Variants in EEFSEC observed in about 807,000 individuals in gnomAD.
The protein encoded by EEFSEC is selenocysteine-specific elongation factor.
Under a neutral mutation model 42.1 loss-of-function variants are expected in EEFSEC, and 43 were observed. The observed-to-expected ratio is 1.02, with a 90% CI of 0.80 to 1.32. The LOEUF (loss-of-function observed/expected upper bound fraction) is 1.32. EEFSEC is among the 40% of genes most tolerant of loss of function. The pLI is 0.00. For missense variants in EEFSEC, 745 were observed against 803.6 expected, an observed-to-expected ratio of 0.93 and a Z score of 0.88; for synonymous variants, 354 against 339.1, an observed-to-expected ratio of 1.04 and a Z score of -0.48.
At chr3:128,340,203 G>A (rs896878142) in intron 4 of EEFSEC, among the ~76,000 whole-genome samples, 3 of 152,128 alleles carry the variant, frequency 2.0e-5, no homozygotes, top group Admixed American at 6.5e-5. Flanking sequence ...CTGTCTTTCT[G>A]TGGGTCTTCA....
At position 128,341,865 on chromosome 3, in the gene EEFSEC, G is replaced by A; in HGVS notation, c.1419G>A (p.Lys473=). 1 of 1,613,590 alleles carries A rather than the reference G, an allele frequency of 6.2e-7. No individual in the cohort carries two copies. The highest frequency in any genetic ancestry group is 8.5e-7 in the Non-Finnish European group (1 of 1,179,998). Residue 473 remains lysine, a synonymous_variant, in exon 5 of 7, where the codon AAG becomes AAA. Coordinates refer to ENST00000254730, the MANE Select transcript of EEFSEC (RefSeq NM_021937.5). ...CCAGGCTGAAGGTGTACAAGCTGAA[G>A]CACAAGCATGGCCTTGTGGAGCGGG... ...FLPRLKVYKL[K]HKHGLVERAM...
intron 1 of EEFSEC, among the ~76,000 whole-genome samples, chr3:128,204,592 G>A (rs1270675876): frequency 1.3e-5 from 2 of 152,064 alleles, no homozygotes; most frequent in Non-Finnish European, 2.9e-5. Context: ...TTGCTCTTAA[G>A]AATCAATATC....
chr3:128,332,994 C>T (rs143656123), intron 4 of EEFSEC, among the ~76,000 whole-genome samples: 1 of 152,330 alleles, frequency 6.6e-6, no homozygotes, highest in East Asian at 1.9e-4. Flanking sequence ...CCCCTCCAGC[C>T]TGAACCTCTT....
chr3:128,172,512 T>A (rs947389920), intron 1 of EEFSEC, among the ~76,000 whole-genome samples: 8 of 152,232 alleles, frequency 5.3e-5, no homozygotes, highest in African/African-American at 1.9e-4. Context: ...TTGCGCAGGT[T>A]GGTCTCAAAC....
chr3:128,356,816 C>T (rs1474706411), intron 5 of EEFSEC, among the ~76,000 whole-genome samples: 1 of 152,178 alleles, frequency 6.6e-6, no homozygotes, highest in African/African-American at 2.4e-5. Flanking sequence ...ACGTGAAACA[C>T]AATACTCTGG....
chr3:128,278,778 G>T (rs1317862785), intron 4 of EEFSEC, among the ~76,000 whole-genome samples: 1 of 152,182 alleles, frequency 6.6e-6, no homozygotes, highest in Non-Finnish European at 1.5e-5. Flanking sequence ...ATATTAGGGT[G>T]CAGGGGAGGG....
At chr3:128,202,199 G>A (rs1439588597) in intron 1 of EEFSEC, among the ~76,000 whole-genome samples, 1 of 152,058 alleles carries the variant, frequency 6.6e-6, no homozygotes, top group Non-Finnish European at 1.5e-5. Flanking sequence ...AATTTTAGAA[G>A]CAGCTTTTCA....
chr3:128,303,027 C>T (rs557905907), intron 4 of EEFSEC, among the ~76,000 whole-genome samples: 2 of 152,244 alleles, frequency 1.3e-5, no homozygotes, highest in African/African-American at 2.4e-5. Flanking sequence ...TTGTATGTAA[C>T]TTGATGGACT....
intron 4 of EEFSEC, among the ~76,000 whole-genome samples, chr3:128,283,879 G>A (rs1235065222): frequency 1.3e-5 from 2 of 152,194 alleles, no homozygotes; most frequent in Non-Finnish European, 2.9e-5. Flanking sequence ...CCGCCCAAAT[G>A]GGAGAGGGAG....
chr3:128,340,041 A>G (rs149683870), intron 4 of EEFSEC, among the ~76,000 whole-genome samples: 2,406 of 152,258 alleles, frequency 0.016, 46 homozygotes, highest in African/African-American at 0.054. Context: ...TCAAGATGAG[A>G]TTTGGATGGG....
intron 4 of EEFSEC, among the ~76,000 whole-genome samples, chr3:128,298,859 G>A (rs973521322): frequency 6.6e-6 from 1 of 152,154 alleles, no homozygotes; most frequent in African/African-American, 2.4e-5. Flanking sequence ...TTAACATAAT[G>A]GCCTCTAGTT....
At chr3:128,378,537 C>T (rs1340055916) in intron 6 of EEFSEC, among the ~76,000 whole-genome samples, 2 of 152,200 alleles carry the variant, frequency 1.3e-5, no homozygotes, top group African/African-American at 4.8e-5. Context: ...CAGCAGGGAG[C>T]CACTGAGGGT....
chr3:128,221,479 T>C (rs2065860619), intron 1 of EEFSEC, among the ~76,000 whole-genome samples: 1 of 152,184 alleles, frequency 6.6e-6, no homozygotes, highest in East Asian at 1.9e-4. Flanking sequence ...ATTCCTGAGA[T>C]TGCATGGATT....
intron 6 of EEFSEC, among the ~76,000 whole-genome samples, chr3:128,401,016 G>T (rs981991801): frequency 1.3e-5 from 2 of 152,178 alleles, no homozygotes; most frequent in Admixed American, 1.3e-4. Context: ...TCATCAGGGG[G>T]TGGAGCAGGG....
intron 1 of EEFSEC, among the ~76,000 whole-genome samples, chr3:128,221,366 A>T (rs114460462): frequency 8.5e-5 from 13 of 152,342 alleles, no homozygotes; most frequent in African/African-American, 3.1e-4. Flanking sequence ...TTCACCTGGT[A>T]AATTAAGAAA....
At chr3:128,373,713 C>T (rs1448781978) in intron 6 of EEFSEC, among the ~76,000 whole-genome samples, 1 of 152,238 alleles carries the variant, frequency 6.6e-6, no homozygotes, top group Non-Finnish European at 1.5e-5. Context: ...AAGCCCTTCC[C>T]AGCAGGGCTC....
intron 6 of EEFSEC, among the ~76,000 whole-genome samples, chr3:128,373,192 G>A (rs931097622): frequency 2.0e-5 from 3 of 152,230 alleles, no homozygotes; most frequent in African/African-American, 7.2e-5. Flanking sequence ...CATTTTGTCT[G>A]ACTGCAGAGC....
chr3:128,187,872 C>T (rs934245064), intron 1 of EEFSEC, among the ~76,000 whole-genome samples: 3 of 152,168 alleles, frequency 2.0e-5, no homozygotes, highest in Non-Finnish European at 4.4e-5. Flanking sequence ...AGAAAATGGG[C>T]ATTGACTGCA....
chr3:128,325,085 A>G (rs2067049872), intron 4 of EEFSEC, among the ~76,000 whole-genome samples: 1 of 151,892 alleles, frequency 6.6e-6, no homozygotes, highest in Non-Finnish European at 1.5e-5. Context: ...TCGCTGGCCT[A>G]CTCTCTGCCT....
Sources: allele counts gnomAD v4.1 joint callset (sites outside exome capture counted in the v4.1 genomes callset), GRCh38; gene constraint gnomAD v4.1.1; transcripts MANE v1.5; gene names NCBI Gene and HGNC (gene_info 2026-07-23, HGNC 2026-07-21).